The following RABGAP1 variants were observed in gnomAD, a reference collection of about 807,000 sequenced individuals.
RABGAP1 encodes the protein RAB GTPase activating protein 1, also known as rab GTPase-activating protein 1.
In RABGAP1, 23 loss-of-function variants were observed where a neutral mutation model predicts 137.6. The ratio of observed to expected loss-of-function variants is 0.17; its 90% CI spans 0.12 to 0.24. The LOEUF (loss-of-function observed/expected upper bound fraction) is 0.24, where lower values mean the gene tolerates loss of function less well. Ranked by LOEUF, RABGAP1 falls within the 10% of genes least tolerant of loss-of-function variation. The probability of loss-of-function intolerance (pLI) is 1.00; values close to 1 mark genes in which losing one functional copy is unlikely to be tolerated. For synonymous variants in RABGAP1, 451 were observed against 450.7 expected (o/e 1.00, Z -0.01); for missense variants, 906 against 1,275.8 (o/e 0.71, Z 4.42).
chr9:123,002,910 A>T (rs375374110), intron 10 of RABGAP1, among the ~76,000 whole-genome samples: 6 of 152,284 alleles, frequency 3.9e-5, no homozygotes, highest in African/African-American at 1.4e-4. Flanking sequence ...TGCAAAAAGC[A>T]GAAGTGTGTA....
intron 2 of RABGAP1, among the ~76,000 whole-genome samples, chr9:122,965,808 T>A (rs1052455787): frequency 6.6e-6 from 1 of 152,246 alleles, no homozygotes; most frequent in Non-Finnish European, 1.5e-5. Context: ...TTATGAGTTA[T>A]ATCTCAATAA....
chr9:122,942,060 T>C (rs1378488397), intron 1 of RABGAP1, among the ~76,000 whole-genome samples: 1 of 152,260 alleles, frequency 6.6e-6, no homozygotes, highest in Non-Finnish European at 1.5e-5. Context: ...GGACAGGGTT[T>C]CACAATTCCT....
intron 2 of RABGAP1, among the ~76,000 whole-genome samples, chr9:122,967,883 C>T (rs1835254211): frequency 1.3e-5 from 2 of 151,894 alleles, no homozygotes; most frequent in Non-Finnish European, 2.9e-5. Flanking sequence ...CACACCACCA[C>T]ACTTGGCCAA....
intron 6 of RABGAP1, 119 bp from the exon 7 acceptor site, chr9:122,995,922 A>G: frequency 6.9e-7 from 1 of 1,448,544 alleles, no homozygotes; most frequent in Non-Finnish European, 9.0e-7. Context: ...CTTTTTTGTT[A>G]TTATTTGCAA....
chr9:122,981,681 A>G (rs1254243187), intron 2 of RABGAP1, among the ~76,000 whole-genome samples: 1 of 152,218 alleles, frequency 6.6e-6, no homozygotes, highest in Non-Finnish European at 1.5e-5. Flanking sequence ...CTTGAAAGGC[A>G]CTGCTGAATG....
intron 1 of RABGAP1, among the ~76,000 whole-genome samples, chr9:122,941,840 TATC>T (rs1332563619): frequency 6.6e-6 from 1 of 152,268 alleles, no homozygotes. Flanking sequence ...CCAGACTGTT[TATC>T]ATCTGCTCCT....
At chr9:123,086,824 G>A (rs1011154492) in intron 19 of RABGAP1, among the ~76,000 whole-genome samples, 4 of 152,136 alleles carry the variant, frequency 2.6e-5, no homozygotes, top group African/African-American at 9.7e-5. Context: ...AGAGCTTTGT[G>A]TACACCCGTT....
intron 14 of RABGAP1, among the ~76,000 whole-genome samples, chr9:123,068,965 C>G (rs1056172483): frequency 2.6e-5 from 4 of 152,140 alleles, no homozygotes; most frequent in Admixed American, 2.0e-4. Flanking sequence ...AAGGGAGTTT[C>G]ACAAGAAATA....
At chr9:122,967,804 A>G (rs541526606) in intron 2 of RABGAP1, among the ~76,000 whole-genome samples, 181 of 150,878 alleles carry the variant, frequency 1.2e-3, no homozygotes, top group Non-Finnish European at 2.3e-3. Flanking sequence ...GTGCAGTGGC[A>G]TGATCTCCAT....
At chr9:123,017,545 T>A (rs1205040932) in intron 12 of RABGAP1, among the ~76,000 whole-genome samples, 2 of 152,346 alleles carry the variant, frequency 1.3e-5, no homozygotes, top group Admixed American at 6.5e-5. Context: ...TAAGAAGCAT[T>A]GTAATAATGG....
intron 13 of RABGAP1, chr9:123,020,741 C>T: frequency 4.0e-6 from 1 of 250,342 alleles, no homozygotes; most frequent in Non-Finnish European, 6.3e-6. Flanking sequence ...ACAACTTGTG[C>T]TATGCAATGT....
At position 122,990,106 on chromosome 9, in the gene RABGAP1, G is replaced by C; in HGVS notation, c.816G>C (p.Lys272Asn). ...SFATAFRRSA[K>N]QTPLSATAAP... ...CCACTGCCTTCCGCCGTTCTGCCAA[G>C]CAGACCCCACTTTCAGCCACTGCTG... The change falls in exon 6 of 26, where the codon AAG (lysine) becomes AAC (asparagine). Residue 272 changes from lysine (K) to asparagine (N), a missense_variant. Coordinates refer to ENST00000373647, the MANE Select transcript of RABGAP1 (RefSeq NM_012197.4). The C allele has an allele frequency of 1.2e-6, 2 of 1,611,138 alleles. No homozygotes were observed. Among genetic ancestry groups the C allele is most frequent in the African/African-American group, 2.7e-5 (2 of 74,942 alleles).
At chr9:122,978,963 G>T (rs183659385) in intron 2 of RABGAP1, among the ~76,000 whole-genome samples, 1 of 151,670 alleles carries the variant, frequency 6.6e-6, no homozygotes, top group East Asian at 1.9e-4. Flanking sequence ...GAGTTCAGTG[G>T]CATAATCTCA....
chr9:123,035,455 A>G (rs763821802), intron 13 of RABGAP1: 1 of 1,614,162 alleles, frequency 6.2e-7, no homozygotes, highest in Admixed American at 1.7e-5. Context: ...TATTAGTAAC[A>G]GTTTCTGCAA....
At chr9:122,942,376 T>TA (rs1372969859) in intron 1 of RABGAP1, among the ~76,000 whole-genome samples, 1 of 152,116 alleles carries the variant, frequency 6.6e-6, no homozygotes, top group Non-Finnish European at 1.5e-5. Flanking sequence ...AGAGCTTACT[T>TA]ATGAAAACTG....
chr9:122,983,398 A>C (rs938777183), intron 2 of RABGAP1, among the ~76,000 whole-genome samples: 1 of 152,174 alleles, frequency 6.6e-6, no homozygotes, highest in Non-Finnish European at 1.5e-5. Flanking sequence ...AAGTGTTGGA[A>C]TTTCCTTGGG....
At chr9:123,051,484 T>G (rs967289043) in intron 13 of RABGAP1, among the ~76,000 whole-genome samples, 9 of 151,240 alleles carry the variant, frequency 6.0e-5, no homozygotes, top group African/African-American at 1.7e-4. Flanking sequence ...CGACCTTAGG[T>G]GATCTGCCCG....
chr9:123,099,404 C>A, intron 23 of RABGAP1, 74 bp from the exon 24 acceptor site: 1 of 1,369,016 alleles, frequency 7.3e-7, no homozygotes, highest in Non-Finnish European at 1.0e-6. Flanking sequence ...TTACATATTC[C>A]AGCTTCCACT....
chr9:122,966,661 A>G (rs1233754761), intron 2 of RABGAP1, among the ~76,000 whole-genome samples: 1 of 152,236 alleles, frequency 6.6e-6, no homozygotes, highest in Non-Finnish European at 1.5e-5. Context: ...AAGAGAAATC[A>G]GCAGAAAAAA....
Sources: gnomAD v4.1 joint callset for allele counts (sites outside exome capture counted in the v4.1 genomes callset) on GRCh38, gnomAD v4.1.1 for gene constraint, MANE v1.5 for transcripts, NCBI Gene and HGNC (gene_info 2026-07-23, HGNC 2026-07-21) for gene names.